SRBD1: variants seen among roughly 807,000 people sequenced by gnomAD.
The protein encoded by SRBD1 is S1 RNA-binding domain-containing protein 1.
A neutral mutation model predicts 115.3 loss-of-function variants in SRBD1; 88 were observed. The ratio of observed to expected loss-of-function variants is 0.76; its 90% CI spans 0.64 to 0.91. The LOEUF (loss-of-function observed/expected upper bound fraction) is 0.91. SRBD1 is among the 40% of genes least tolerant of loss of function. The pLI is 0.00. For synonymous variants in SRBD1, 509 were observed against 407.7 expected, an observed-to-expected ratio of 1.25 and a Z score of -2.99; for missense variants, 1,385 against 1,177.4, an observed-to-expected ratio of 1.18 and a Z score of -2.58.
chr2:45,524,949 T>C (rs940615757), intron 14 of SRBD1, among the ~76,000 whole-genome samples: 4 of 151,992 alleles, frequency 2.6e-5, no homozygotes, highest in Admixed American at 1.3e-4. Context: ...GACTTATAGA[T>C]CAATGAAACA....
intron 4 of SRBD1, among the ~76,000 whole-genome samples, chr2:45,593,142 T>G (rs1456874134): frequency 6.6e-6 from 1 of 152,228 alleles, no homozygotes; most frequent in Non-Finnish European, 1.5e-5. Flanking sequence ...GGTACTTATT[T>G]TGACTGTTGT....
At chr2:45,539,433 T>C (rs1439618613) in intron 14 of SRBD1, among the ~76,000 whole-genome samples, 2 of 152,058 alleles carry the variant, frequency 1.3e-5, no homozygotes, top group African/African-American at 4.8e-5. Flanking sequence ...CCCCACCTAC[T>C]CTCACATATG....
intron 14 of SRBD1, among the ~76,000 whole-genome samples, chr2:45,523,697 A>T (rs1021198728): frequency 1.4e-4 from 19 of 135,656 alleles, no homozygotes; most frequent in Admixed American, 2.1e-4. Context: ...ATTTGTAATT[A>T]AAAAAAAAAT....
chr2:45,410,514 C>A (rs184674671), intron 19 of SRBD1, among the ~76,000 whole-genome samples: 1 of 152,356 alleles, frequency 6.6e-6, no homozygotes, highest in East Asian at 1.9e-4. Flanking sequence ...ACATATCTGG[C>A]TTTCCTCCTG....
chr2:45,604,398 A>AGGGGGGGGGGGGG (rs1179478169), intron 2 of SRBD1, among the ~76,000 whole-genome samples: 3 of 140,204 alleles, frequency 2.1e-5, no homozygotes, highest in Admixed American at 7.0e-5. Context: ...GGGTGGAGGA[A>AGGGGGGGGGGGGG]GGGGAGGGCT....
At chr2:45,566,668 A>C (rs73927548) in intron 9 of SRBD1, among the ~76,000 whole-genome samples, 1 of 152,174 alleles carries the variant, frequency 6.6e-6, no homozygotes, top group African/African-American at 2.4e-5. Context: ...ATGCAATATG[A>C]ATTTTACTTC....
chr2:45,584,875 G>A (rs1241460158), intron 5 of SRBD1, among the ~76,000 whole-genome samples: 2 of 152,130 alleles, frequency 1.3e-5, no homozygotes, highest in African/African-American at 4.8e-5. Context: ...AAAAGGCTGG[G>A]CATGGTGGCT....
At chr2:45,589,297 G>A (rs1380563581) in intron 4 of SRBD1, among the ~76,000 whole-genome samples, 2 of 152,114 alleles carry the variant, frequency 1.3e-5, no homozygotes, top group Admixed American at 1.3e-4. Flanking sequence ...GCAATCTAGA[G>A]GGGAAGATAA....
rs115773727 is a variant in SRBD1 at position 45,461,763 on chromosome 2, G to A, written c.2049+15230C>T. Among the ~76,000 whole-genome samples, 458 of 152,250 alleles carry A rather than the reference G, an allele frequency of 3.0e-3. 3 individuals carry two copies. Among genetic ancestry groups the A allele is most frequent in the African/African-American group, 0.011 (438 of 41,538 alleles). ...CATCCTACAAAAGGGAAGAACAGGT[G>A]CCTCATTTTCCTTGACTCTTATTTG... On this transcript the variant is annotated intron_variant, in intron 16 of 20. Coordinates refer to ENST00000263736, the MANE Select transcript of SRBD1 (RefSeq NM_018079.5).
chr2:45,598,103 G>A (rs1673961379), intron 4 of SRBD1, among the ~76,000 whole-genome samples: 1 of 152,172 alleles, frequency 6.6e-6, no homozygotes, highest in Admixed American at 6.5e-5. Context: ...AAGGCTTCAG[G>A]GTGAATCTGA....
intron 15 of SRBD1, among the ~76,000 whole-genome samples, chr2:45,477,979 C>A (rs974091292): frequency 8.7e-6 from 1 of 114,634 alleles, no homozygotes; most frequent in African/African-American, 3.1e-5. Flanking sequence ...TTTTTTTTTA[C>A]CAAATATCAA....
At chr2:45,526,296 T>C (rs188909319) in intron 14 of SRBD1, among the ~76,000 whole-genome samples, 113 of 152,188 alleles carry the variant, frequency 7.4e-4, no homozygotes, top group Non-Finnish European at 8.5e-4. Flanking sequence ...TTCTGATACA[T>C]GCTATGACAT....
intron 14 of SRBD1, among the ~76,000 whole-genome samples, chr2:45,542,815 T>A (rs2104017813): frequency 6.6e-6 from 1 of 152,272 alleles, no homozygotes. Flanking sequence ...CATCAACAGG[T>A]GATTGAATAA....
At chr2:45,457,628 A>G (rs968243092) in intron 16 of SRBD1, among the ~76,000 whole-genome samples, 1 of 152,026 alleles carries the variant, frequency 6.6e-6, no homozygotes, top group South Asian at 2.1e-4. Context: ...TAATATAAGA[A>G]ATGTCATTCT....
chr2:45,478,601 A>G (rs1252183536), intron 15 of SRBD1, among the ~76,000 whole-genome samples: 1 of 152,230 alleles, frequency 6.6e-6, no homozygotes, highest in Non-Finnish European at 1.5e-5. Flanking sequence ...ATTGCAGGTG[A>G]TAGGAGAAAT....
At chr2:45,573,035 T>C (rs935924844) in intron 9 of SRBD1, among the ~76,000 whole-genome samples, 172 bp downstream of exon 9, 1 of 152,164 alleles carries the variant, frequency 6.6e-6, no homozygotes, top group Non-Finnish European at 1.5e-5. Flanking sequence ...CTCCGGGTCA[T>C]TACTTCCCAA....
At chr2:45,503,315 T>A (rs1670693855) in intron 14 of SRBD1, among the ~76,000 whole-genome samples, 1 of 152,176 alleles carries the variant, frequency 6.6e-6, no homozygotes, top group South Asian at 2.1e-4. Flanking sequence ...CTAGGAAGAC[T>A]GGATGGAGTG....
At chr2:45,446,696 T>C (rs1486745055) in intron 16 of SRBD1, among the ~76,000 whole-genome samples, 6 of 148,332 alleles carry the variant, frequency 4.0e-5, no homozygotes, top group Middle Eastern at 6.9e-3. Flanking sequence ...CATATCAAGA[T>C]GGAAAAAAAA....
At chr2:45,556,993 T>G (rs1291939958) in intron 10 of SRBD1, among the ~76,000 whole-genome samples, 1 of 152,200 alleles carries the variant, frequency 6.6e-6, no homozygotes, top group South Asian at 2.1e-4. Flanking sequence ...AAGAAACATC[T>G]GAGATAGGTT....
Sources: gnomAD v4.1 joint callset for allele counts (sites outside exome capture counted in the v4.1 genomes callset) on GRCh38, gnomAD v4.1.1 for gene constraint, MANE v1.5 for transcripts, NCBI Gene and HGNC (gene_info 2026-07-23, HGNC 2026-07-21) for gene names.